BRPF3: variants seen among roughly 807,000 people sequenced by gnomAD.
BRPF3 encodes bromodomain and PHD finger-containing protein 3.
A neutral mutation model predicts 102.0 loss-of-function variants in BRPF3; 18 were observed. That is an observed-to-expected ratio of 0.18 (90% confidence interval 0.12 to 0.26). BRPF3 has a LOEUF of 0.26. BRPF3 is among the 10% of genes least tolerant of loss of function. The probability of loss-of-function intolerance (pLI) is 1.00; values close to 1 mark genes in which losing one functional copy is unlikely to be tolerated. For missense variants in BRPF3, 1,147 were observed against 1,567.8 expected, an observed-to-expected ratio of 0.73 and a Z score of 4.53; for synonymous variants, 570 against 614.2, an observed-to-expected ratio of 0.93 and a Z score of 1.06.
At position 36,210,528 on chromosome 6, in the gene BRPF3, G is replaced by A. The variant is rs1176850107; in HGVS notation, c.2179G>A (p.Val727Met). The change falls in exon 6 of 13, where the codon GTG becomes ATG. Residue 727 changes from valine to methionine, a missense_variant and splice_region_variant. By Grantham distance (21) the Val-to-Met change is conservative (BLOSUM62 1). Transcript: ENST00000357641. The surrounding 1 kb of genome is among the most constrained non-coding windows in gnomAD (Gnocchi z 4.7). ...EDFYRFSWED[V>M]DNILIPENRA... is the part of the protein sequence containing the mutation. ...CTTTTACCGCTTCTCCTGGGAAGAC[G>A]GTGAGAGGCCTGGATGGGTGGGGAG... is the stretch of plus-strand genomic sequence containing the variant. The A allele has an allele frequency of 6.3e-7, 1 of 1,583,370 alleles. No individual in the cohort carries two copies. Among genetic ancestry groups the A allele is most frequent in the Non-Finnish European group, 8.5e-7 (1 of 1,171,176 alleles).
chr6:36,214,418 C>G (rs760232765), intron 8 of BRPF3, 32 bp downstream of exon 8: 1 of 1,518,502 alleles, frequency 6.6e-7, no homozygotes, highest in African/African-American at 1.4e-5. Context: ...CTTGATACTT[C>G]GCATCTGCTT....
At chr6:36,215,050 G>C (rs1047835829) in intron 8 of BRPF3, among the ~76,000 whole-genome samples, 1 of 151,966 alleles carries the variant, frequency 6.6e-6, no homozygotes, top group African/African-American at 2.4e-5. Context: ...AGCAGAGGGG[G>C]TGGGGTGGGG....
At chr6:36,217,765 T>C in intron 8 of BRPF3, 152 bp from the exon 9 acceptor site, 1 of 554,238 alleles carries the variant, frequency 1.8e-6, no homozygotes, top group South Asian at 2.7e-5. Flanking sequence ...GATCAGATCT[T>C]CTCTATCACC....
chr6:36,230,489 G>A lies in BRPF3; in HGVS notation c.3498G>A (p.Lys1166=). 2 of 1,614,206 alleles carry A rather than the reference G, an allele frequency of 1.2e-6. No homozygotes were observed. The highest frequency in any genetic ancestry group is 1.1e-5 in the South Asian group (1 of 91,084). Reference sequence around the variant, plus strand: ...TGGAAGACACCGTGGACAAGCTCAAGATGCTGGAAGGCCGCAAGACCAGCA... The same window carrying A: ...TGGAAGACACCGTGGACAAGCTCAAAATGCTGGAAGGCCGCAAGACCAGCA... The part of the protein sequence containing the change: ...LGVEDTVDKL[K]MLEGRKTSIR... Residue 1166 remains lysine, a synonymous_variant, in exon 13 of 13, where the codon AAG becomes AAA. Transcript: ENST00000357641. This position sits in a 1 kb window ranked among gnomAD's most constrained non-coding sequence, Gnocchi z 5.4.
chr6:36,200,205 G>A lies in BRPF3; in HGVS notation c.-26-92G>A. On this transcript the variant is annotated intron_variant, in intron 1 of 12. Transcript: ENST00000357641. The surrounding 1 kb of genome is among the most constrained non-coding windows in gnomAD (Gnocchi z 5.3). ...GCAAGTTGTTCAGACAGAGGGAAAAGCCAGTCCTCTTGGTGGATGCTTGAT... is the reference window on the plus strand; with the variant it reads ...GCAAGTTGTTCAGACAGAGGGAAAAACCAGTCCTCTTGGTGGATGCTTGAT... The A allele has an allele frequency of 7.1e-7, 1 of 1,409,608 alleles. No homozygotes were observed. 87.3% of individuals were successfully genotyped at this position (1,409,608 alleles called of 1,614,324 possible).
In BRPF3 at chr6:36,230,276, G is replaced by C. The variant is rs1768894329; in HGVS notation, c.3435-150G>C. ...GCTGTCCTCACCTGCTAGGTTCTTG[G>C]TGGCCTCCTGCATGGAGTCCCCCAA... On this transcript the variant is annotated intron_variant, in intron 12 of 12. Coordinates refer to ENST00000357641, the MANE Select transcript of BRPF3 (RefSeq NM_015695.3). This position sits in a 1 kb window ranked among gnomAD's most constrained non-coding sequence, Gnocchi z 5.4. 1.5e-6 allele frequency: 1 copy of C among 654,420 alleles called. No homozygotes were observed. The highest frequency in any genetic ancestry group is 1.8e-5 in the African/African-American group (1 of 54,706). The allele number at this position is 654,420 out of a possible 1,614,324, so 40.5% of individuals were successfully genotyped here.
At position 36,230,791 on chromosome 6, in the gene BRPF3, A is replaced by C. The variant is rs2127299610; in HGVS notation, c.*182A>C. 1 of 760,408 alleles carries C rather than the reference A, an allele frequency of 1.3e-6. No individual in the cohort carries two copies. The highest frequency in any genetic ancestry group is 2.8e-5 in the East Asian group (1 of 35,918). The allele number at this position is 760,408 out of a possible 1,614,324, so 47.1% of individuals were successfully genotyped here. On this transcript the variant is annotated 3_prime_UTR_variant, in exon 13 of 13. Coordinates refer to ENST00000357641, the MANE Select transcript of BRPF3 (RefSeq NM_015695.3). This position sits in a 1 kb window ranked among gnomAD's most constrained non-coding sequence, Gnocchi z 5.4. ...TGACCAATCGCATGGTTCTCCTGGCAGGCCTGCTGTGTGCCAAAAACTCCC... is the reference window on the plus strand; with the variant it reads ...TGACCAATCGCATGGTTCTCCTGGCCGGCCTGCTGTGTGCCAAAAACTCCC...
intron 12 of BRPF3, 42 bp downstream of exon 12, chr6:36,229,098 G>T (rs1012341786): frequency 6.3e-7 from 1 of 1,599,840 alleles, no homozygotes; most frequent in Non-Finnish European, 8.5e-7. Context: ...GGCACGCCAG[G>T]GGTCTGTGCC....
At chr6:36,198,126 C>T (rs1946357046) in intron 1 of BRPF3, among the ~76,000 whole-genome samples, 1 of 152,144 alleles carries the variant, frequency 6.6e-6, no homozygotes, top group Non-Finnish European at 1.5e-5. Context: ...GCCTCTGGAA[C>T]CCGGACAGAA....
rs550990224 is a variant in BRPF3 at position 36,229,092 on chromosome 6, C to T, written c.3434+36C>T. The T allele has an allele frequency of 4.1e-5, 66 of 1,603,904 alleles. No homozygotes were observed. The Admixed American group carries it at 5.1e-4, about 12-fold the overall frequency. ...GCTGCTGTGAGGGGGCTGAGGGGCA[C>T]GCCAGGGGTCTGTGCCAGTGGTGCT... On this transcript the variant is annotated intron_variant, in intron 12 of 12. Coordinates refer to ENST00000357641, the MANE Select transcript of BRPF3 (RefSeq NM_015695.3).
Position 36,211,086 on chromosome 6 carries a change from G to T in BRPF3, c.2180-172G>T, listed in dbSNP as rs1306480463. 8.5e-6 allele frequency: 6 copies of T among 707,012 alleles called. No individual in the cohort carries two copies. In the African/African-American group the frequency reaches 8.9e-5, roughly 11 times the overall value. 43.8% of individuals were successfully genotyped at this position (707,012 alleles called of 1,614,324 possible). ...CCCAGATTCTGACCTTGCCCCTGTG[G>T]CTGCCTTCTGGGCAGTGGTGTTGCA... On this transcript the variant is annotated intron_variant, in intron 6 of 12. Coordinates refer to ENST00000357641, the MANE Select transcript of BRPF3 (RefSeq NM_015695.3).
chr6:36,209,630 G>A (rs931835830), intron 4 of BRPF3, among the ~76,000 whole-genome samples, 157 bp from the exon 5 acceptor site: 25 of 152,114 alleles, frequency 1.6e-4, no homozygotes, highest in African/African-American at 5.6e-4. Flanking sequence ...TTATTCCTAG[G>A]CTAAAGGTTG....
chr6:36,217,674 A>C (rs536174865), intron 8 of BRPF3, among the ~76,000 whole-genome samples: 2 of 152,354 alleles, frequency 1.3e-5, no homozygotes, highest in African/African-American at 4.8e-5. Context: ...TTCCTTAAAC[A>C]AAAAGCAGAA....
chr6:36,228,580 A>G (rs919705462), intron 11 of BRPF3, among the ~76,000 whole-genome samples: 1 of 152,206 alleles, frequency 6.6e-6, no homozygotes, highest in African/African-American at 2.4e-5. Flanking sequence ...GGGTAACCAG[A>G]GACCTCGTTA....
Position 36,207,325 on chromosome 6 carries a change from G to A in BRPF3, c.1618G>A (p.Glu540Lys). The A allele has an allele frequency of 6.2e-7, 1 of 1,613,968 alleles. No homozygotes were observed. ...TTCCCTCCTGTAGCGAGAGCAGGAT[G>A]AGAAGACAAGTGCAGTGAAGGAGGA... ...QRNAEQREQDEKTSAVKEELK... is the reference protein window; with the variant it reads ...QRNAEQREQDKKTSAVKEELK... The change falls in exon 4 of 13, where the codon GAG becomes AAG. Residue 540 changes from glutamate (E) to lysine (K), a missense_variant. Glu to Lys is a moderately conservative substitution (Grantham distance 56). Coordinates refer to ENST00000357641, the MANE Select transcript of BRPF3 (RefSeq NM_015695.3).
chr6:36,227,925 C>T (rs1768799082), intron 11 of BRPF3, among the ~76,000 whole-genome samples: 1 of 152,180 alleles, frequency 6.6e-6, no homozygotes, highest in Non-Finnish European at 1.5e-5. Flanking sequence ...AAGGGGCCCA[C>T]TGGGACAGCG....
Position 36,200,675 on chromosome 6 carries a change from G to C in BRPF3, c.353G>C (p.Ser118Thr). ...SGTSFHLPQP[S>T]FRMVDSGIQP... ...ACTTCCTTCCACCTCCCACAGCCCA[G>C]CTTCCGTATGGTGGACTCAGGCATC... Residue 118 changes from serine to threonine, a missense_variant, in exon 2 of 13, where the codon AGC (serine) becomes ACC (threonine). Ser to Thr is a moderately conservative substitution (Grantham distance 58). This residue lies in a region of BRPF3 where 221 missense variants were observed against 337.1 expected (regional missense o/e 0.66). Transcript: ENST00000357641. This position sits in a 1 kb window ranked among gnomAD's most constrained non-coding sequence, Gnocchi z 5.3. 2 of 1,614,160 alleles carry C rather than the reference G, an allele frequency of 1.2e-6. No homozygotes were observed. The highest frequency in any genetic ancestry group is 1.7e-6 in the Non-Finnish European group (2 of 1,180,020).
At chr6:36,208,899 GC>G (rs780250194) in intron 4 of BRPF3, among the ~76,000 whole-genome samples, 2 of 152,208 alleles carry the variant, frequency 1.3e-5, no homozygotes, top group African/African-American at 2.4e-5. Flanking sequence ...GAAGCTACTT[GC>G]CACTTGCGGG....
intron 11 of BRPF3, among the ~76,000 whole-genome samples, chr6:36,225,674 G>A (rs1471050337): frequency 6.6e-6 from 1 of 152,170 alleles, no homozygotes; most frequent in Non-Finnish European, 1.5e-5. Context: ...ATGCTTAGAC[G>A]TTTTATTAAA....
Sources: allele counts gnomAD v4.1 joint callset (sites outside exome capture counted in the v4.1 genomes callset), GRCh38; gene constraint gnomAD v4.1.1; regional missense constraint gnomAD v4.1.1; non-coding constraint Gnocchi (gnomAD v3.1); transcripts MANE v1.5; gene names NCBI Gene and HGNC (gene_info 2026-07-23, HGNC 2026-07-21).